The following DOCK2 variants were observed in gnomAD, a reference collection of about 807,000 sequenced individuals.
DOCK2 encodes dedicator of cytokinesis 2.
DOCK2 carries 87 observed loss-of-function variants against 248.9 expected under a neutral mutation model. The observed-to-expected ratio is 0.35, with a 90% CI of 0.29 to 0.42. The LOEUF is 0.42. DOCK2 is among the 10% of genes least tolerant of loss of function. DOCK2 has a pLI of 1.00. For synonymous variants in DOCK2, 805 were observed against 821.6 expected (o/e 0.98, Z 0.35); for missense variants, 1,747 against 2,300.2 (o/e 0.76, Z 4.92).
chr5:169,680,149 A>G (rs1211528751), intron 6 of DOCK2, among the ~76,000 whole-genome samples: 1 of 152,238 alleles, frequency 6.6e-6, no homozygotes, highest in East Asian at 1.9e-4. Flanking sequence ...GAGTGTGGAC[A>G]AAGATGTATT....
At chr5:170,016,166 A>AT (rs1351007610) in intron 32 of DOCK2, among the ~76,000 whole-genome samples, 11 of 152,010 alleles carry the variant, frequency 7.2e-5, no homozygotes, top group Non-Finnish European at 1.3e-4. Flanking sequence ...TGGCATTTGG[A>AT]TTTTTCCTGC....
At chr5:169,990,175 T>G (rs1778171133) in intron 29 of DOCK2, among the ~76,000 whole-genome samples, 4 of 152,126 alleles carry the variant, frequency 2.6e-5, no homozygotes. Flanking sequence ...CTCAGCTCAC[T>G]GCAACCTCCA....
At chr5:169,681,681 C>T (rs1759678056) in intron 6 of DOCK2, 63 bp from the exon 7 acceptor site, 1 of 1,581,158 alleles carries the variant, frequency 6.3e-7, no homozygotes, top group Non-Finnish European at 8.6e-7. Flanking sequence ...TGGTAAAAAG[C>T]TTCTCACCAG....
intron 27 of DOCK2, among the ~76,000 whole-genome samples, chr5:169,866,927 T>A (rs1771601482): frequency 6.6e-6 from 1 of 152,192 alleles, no homozygotes; most frequent in African/African-American, 2.4e-5. Flanking sequence ...TACCCAGAGA[T>A]AGCATCAGAT....
intron 23 of DOCK2, among the ~76,000 whole-genome samples, 176 bp downstream of exon 23, chr5:169,747,680 T>C (rs1581132980): frequency 6.6e-6 from 1 of 152,216 alleles, no homozygotes; most frequent in African/African-American, 2.4e-5. Flanking sequence ...GTATTTATTG[T>C]TTGTTACCCA....
intron 23 of DOCK2, among the ~76,000 whole-genome samples, chr5:169,758,927 AC>A (rs1203329938): frequency 3.9e-5 from 6 of 152,312 alleles, no homozygotes; most frequent in Admixed American, 2.6e-4. Context: ...CCTAAAATAT[AC>A]AGAAAAATAA....
intron 23 of DOCK2, among the ~76,000 whole-genome samples, chr5:169,755,041 A>G (rs1174965387): frequency 6.6e-6 from 1 of 151,854 alleles, no homozygotes; most frequent in African/African-American, 2.4e-5. Context: ...GTGTTGAAGC[A>G]ATCCTCTTGC....
At position 169,971,917 on chromosome 5, in the gene DOCK2, C is replaced by G. The variant is rs112666085; in HGVS notation, c.2800-11151C>G. Among the ~76,000 whole-genome samples, 86 of 152,310 alleles carry G rather than the reference C, an allele frequency of 5.6e-4. 1 individual carries two copies. Among genetic ancestry groups the G allele is most frequent in the African/African-American group, 2.0e-3 (82 of 41,576 alleles). On this transcript the variant is annotated intron_variant, in intron 27 of 51. Coordinates refer to ENST00000520908, the MANE Select transcript of DOCK2 (RefSeq NM_004946.3). ...TGCCACTTTCCTCATCCTGTTCCAA[C>G]ATATAAATATGAAGCAGCAATTTCT...
At chr5:169,863,406 G>C (rs1771328925) in intron 27 of DOCK2, among the ~76,000 whole-genome samples, 1 of 152,208 alleles carries the variant, frequency 6.6e-6, no homozygotes, top group African/African-American at 2.4e-5. Context: ...ACAGGTTGCT[G>C]GATCTCATGA....
intron 30 of DOCK2, among the ~76,000 whole-genome samples, chr5:170,001,926 G>A (rs987525360): frequency 1.3e-4 from 20 of 152,122 alleles, no homozygotes; most frequent in African/African-American, 4.8e-4. Flanking sequence ...GCTAGCCAGT[G>A]ATTTCCTCAT....
At chr5:169,688,225 C>A (rs1003246126) in intron 8 of DOCK2, among the ~76,000 whole-genome samples, 1 of 152,198 alleles carries the variant, frequency 6.6e-6, no homozygotes, top group South Asian at 2.1e-4. Context: ...TGTGCCCAGC[C>A]CCCTTGAATC....
At chr5:170,072,254 A>G (rs1211357462) in intron 46 of DOCK2, among the ~76,000 whole-genome samples, 1 of 152,038 alleles carries the variant, frequency 6.6e-6, no homozygotes, top group African/African-American at 2.4e-5. Context: ...ACCTCTTATA[A>G]ATTGTATTAT....
chr5:170,008,835 A>T, intron 32 of DOCK2, 89 bp downstream of exon 32: 1 of 1,440,332 alleles, frequency 6.9e-7, no homozygotes, highest in East Asian at 2.3e-5. Flanking sequence ...CAGGGGTTTT[A>T]GCAGTGGGAG....
At chr5:169,838,716 G>A (rs1370914957) in intron 26 of DOCK2, among the ~76,000 whole-genome samples, 1 of 152,152 alleles carries the variant, frequency 6.6e-6, no homozygotes, top group African/African-American at 2.4e-5. Context: ...TGAAGCAGGG[G>A]AACTTGTTTC....
intron 26 of DOCK2, among the ~76,000 whole-genome samples, chr5:169,839,266 T>C (rs393355): frequency 0.46 from 70,325 of 151,616 alleles, 17,082 homozygotes; most frequent in African/African-American, 0.63. Flanking sequence ...CAGGCTCTGT[T>C]TCAGACTACA....
At chr5:170,078,891 C>A in intron 48 of DOCK2, 84 bp from the exon 49 acceptor site, 1 of 1,512,628 alleles carries the variant, frequency 6.6e-7, no homozygotes, top group Non-Finnish European at 9.0e-7. Context: ...GCCCAAAGGT[C>A]CCCTTCAGCT....
intron 8 of DOCK2, among the ~76,000 whole-genome samples, chr5:169,686,889 C>G (rs758351428): frequency 6.6e-6 from 1 of 152,118 alleles, no homozygotes; most frequent in Non-Finnish European, 1.5e-5. Context: ...AAGGCTTATG[C>G]CCAAAAATTG....
At chr5:169,943,319 G>T (rs1482686980) in intron 27 of DOCK2, among the ~76,000 whole-genome samples, 2 of 152,142 alleles carry the variant, frequency 1.3e-5, no homozygotes, top group South Asian at 2.1e-4. Context: ...GCTGTCTAAA[G>T]GTTGATCCCA....
intron 22 of DOCK2, among the ~76,000 whole-genome samples, chr5:169,743,111 C>A (rs1213569657): frequency 2.0e-5 from 3 of 152,220 alleles, no homozygotes; most frequent in African/African-American, 7.2e-5. Flanking sequence ...AAGGCCACAT[C>A]TGAAGAATCG....
Sources: gnomAD v4.1 joint callset for allele counts (sites outside exome capture counted in the v4.1 genomes callset) on GRCh38, gnomAD v4.1.1 for gene constraint, MANE v1.5 for transcripts, NCBI Gene and HGNC (gene_info 2026-07-23, HGNC 2026-07-21) for gene names.